MYO1H: variants seen among roughly 807,000 people sequenced by gnomAD.
MYO1H encodes myosin IH.
Under a neutral mutation model 149.3 loss-of-function variants are expected in MYO1H, and 118 were observed. The observed-to-expected ratio is 0.79, with a 90% CI of 0.68 to 0.92. The LOEUF (loss-of-function observed/expected upper bound fraction) is 0.92, where lower values mean the gene tolerates loss of function less well. MYO1H is among the 40% of genes least tolerant of loss of function. The probability of loss-of-function intolerance (pLI) is 0.00; values close to 1 mark genes in which losing one functional copy is unlikely to be tolerated. For missense variants in MYO1H, 1,212 were observed against 1,280.7 expected, an observed-to-expected ratio of 0.95 and a Z score of 0.82; for synonymous variants, 447 against 465.2, an observed-to-expected ratio of 0.96 and a Z score of 0.50.
the MYO1H span, among the ~76,000 whole-genome samples, chr12:109,318,960 GTTTTTGGTTTTGTTTTTTTT>G: frequency 1.3e-5 from 1 of 77,938 alleles, no homozygotes; most frequent in Non-Finnish European, 2.3e-5. Flanking sequence ...AACTCTCTGC[GTTTTTGGTTTTGTTTTTTTT>G]TTTTTTTTTT....
chr12:109,425,771 G>A (rs1445522226), intron 17 of MYO1H, among the ~76,000 whole-genome samples, 175 bp from the exon 18 acceptor site: 1 of 152,132 alleles, frequency 6.6e-6, no homozygotes, highest in Non-Finnish European at 1.5e-5. Context: ...GCCTTCTCAG[G>A]TCAGGACATC....
the MYO1H span, among the ~76,000 whole-genome samples, chr12:109,319,799 A>T: frequency 1.3e-5 from 2 of 152,170 alleles, no homozygotes; most frequent in Non-Finnish European, 1.5e-5. Flanking sequence ...GATGTTGCCC[A>T]CATCATAACG....
At chr12:109,317,318 A>G in the MYO1H span, among the ~76,000 whole-genome samples, 2 of 152,208 alleles carry the variant, frequency 1.3e-5, no homozygotes, top group Non-Finnish European at 2.9e-5. Context: ...GTCTGTTTCT[A>G]TTTAAATAAT....
At chr12:109,315,867 C>A in the MYO1H span, among the ~76,000 whole-genome samples, 1 of 152,196 alleles carries the variant, frequency 6.6e-6, no homozygotes, top group Non-Finnish European at 1.5e-5. Context: ...GTAGCTAATA[C>A]AAAGAATGAG....
chr12:109,333,046 G>T, the MYO1H span, among the ~76,000 whole-genome samples: 4 of 152,260 alleles, frequency 2.6e-5, no homozygotes, highest in African/African-American at 9.6e-5. Flanking sequence ...AACGCCGGGT[G>T]CCATGGCTCA....
chr12:109,383,244 A>G (rs1203835034), intron 1 of MYO1H, among the ~76,000 whole-genome samples: 2 of 152,232 alleles, frequency 1.3e-5, no homozygotes, highest in Non-Finnish European at 2.9e-5. Context: ...TGACAGCTTC[A>G]AGGCTTATCA....
At position 109,443,662 on chromosome 12, in the gene MYO1H, C is replaced by T. The variant is rs1340306589; in HGVS notation, c.2824+13C>T. On this transcript the variant is annotated intron_variant, in intron 28 of 31. Coordinates refer to ENST00000310903, the Ensembl canonical transcript of MYO1H. ...TCAGCTCTCAAAGGTAAGAAGTGGG[C>T]AATCTTTAAAACAATGCACTGAGTT... 1 of 1,613,186 alleles carries T rather than the reference C, an allele frequency of 6.2e-7. No homozygotes were observed. The highest frequency in any genetic ancestry group is 8.5e-7 in the Non-Finnish European group (1 of 1,179,578).
chr12:109,345,236 T>TA (rs1566015303), upstream of MYO1H, among the ~76,000 whole-genome samples: 1 of 152,140 alleles, frequency 6.6e-6, no homozygotes, highest in African/African-American at 2.4e-5. Context: ...CCAGAATATA[T>TA]AAGGAGCTTC....
chr12:109,409,634 G>T lies in MYO1H; in HGVS notation c.1223+10G>T. 6.3e-7 allele frequency: 1 copy of T among 1,598,372 alleles called. No individual in the cohort carries two copies. The highest frequency in any genetic ancestry group is 8.6e-7 in the Non-Finnish European group (1 of 1,165,858). ...TCTTTGACAAGAATGGGTATGTTTT[G>T]TCATTACCTACCTATCTGTCTTTTG... On this transcript the variant is annotated intron_variant, in intron 11 of 31. Coordinates refer to ENST00000310903, the Ensembl canonical transcript of MYO1H.
At chr12:109,447,113 A>G in intron 31 of MYO1H, 46 bp from the exon 32 acceptor site, 1 of 1,573,818 alleles carries the variant, frequency 6.4e-7, no homozygotes, top group East Asian at 2.3e-5. Flanking sequence ...CTTTTGCGCA[A>G]AGGGAGCGGG....
intron 1 of MYO1H, among the ~76,000 whole-genome samples, chr12:109,383,907 C>T (rs929493890): frequency 1.3e-5 from 2 of 152,190 alleles, no homozygotes; most frequent in African/African-American, 4.8e-5. Context: ...GTACATGATA[C>T]TTCCAAAATG....
At chr12:109,395,341 T>C (rs6606708) in intron 3 of MYO1H, among the ~76,000 whole-genome samples, 82,381 of 152,148 alleles carry the variant, frequency 0.54, 23,480 homozygotes, top group African/African-American at 0.71. Flanking sequence ...GTTATTTTCA[T>C]CTAGAGTTAA....
intron 1 of MYO1H, among the ~76,000 whole-genome samples, chr12:109,357,702 T>C (rs1201917956): frequency 7.3e-6 from 1 of 136,232 alleles, no homozygotes; most frequent in Non-Finnish European, 1.6e-5. Flanking sequence ...TCTTGATTTT[T>C]TTTCTCCCAA....
the MYO1H span, among the ~76,000 whole-genome samples, chr12:109,324,643 C>G: frequency 0.59 from 89,129 of 151,876 alleles, 27,020 homozygotes; most frequent in African/African-American, 0.72. Flanking sequence ...TTTCTTTCTA[C>G]ATTTGTTACC....
At chr12:109,444,594 T>C in intron 30 of MYO1H, 65 bp downstream of exon 30, 1 of 1,256,516 alleles carries the variant, frequency 8.0e-7, no homozygotes, top group East Asian at 2.4e-5. Context: ...AGGCCGAGCG[T>C]GGTGGCTCAT....
In MYO1H at chr12:109,371,573, C is replaced by T. The variant is rs548098233; in HGVS notation, c.13-17110C>T. Among the ~76,000 whole-genome samples, 31 of 152,242 alleles carry T rather than the reference C, an allele frequency of 2.0e-4. No individual in the cohort carries two copies. The South Asian group carries it at 6.4e-3, about 32-fold the overall frequency. On this transcript the variant is annotated intron_variant, in intron 1 of 31. Coordinates refer to ENST00000310903, the Ensembl canonical transcript of MYO1H. The stretch of plus-strand genomic sequence containing the variant: ...TTAGGAGATTCTATAGCTCTATGGT[C>T]TTTCATTGGATGCATGAACCATAAT...
chr12:109,400,569 C>T (rs1334650136), intron 5 of MYO1H, among the ~76,000 whole-genome samples: 1 of 152,016 alleles, frequency 6.6e-6, no homozygotes, highest in Non-Finnish European at 1.5e-5. Flanking sequence ...GAATAAAAAT[C>T]CTTTATTGGA....
intron 6 of MYO1H, among the ~76,000 whole-genome samples, chr12:109,401,687 C>A (rs1269958645): frequency 1.3e-5 from 2 of 152,130 alleles, no homozygotes; most frequent in Non-Finnish European, 2.9e-5. Context: ...TAGAAACTCA[C>A]TGTCCAACTA....
chr12:109,364,282 C>T (rs988485336), intron 1 of MYO1H, among the ~76,000 whole-genome samples: 1 of 151,076 alleles, frequency 6.6e-6, no homozygotes, highest in Non-Finnish European at 1.5e-5. Context: ...TGTGGATAAG[C>T]ATACACATAC....
Sources: allele counts gnomAD v4.1 joint callset (sites outside exome capture counted in the v4.1 genomes callset), GRCh38; gene constraint gnomAD v4.1.1; transcripts MANE v1.5; gene names NCBI Gene and HGNC (gene_info 2026-07-23, HGNC 2026-07-21).